The following SORCS2 variants were observed in gnomAD, a reference collection of about 807,000 sequenced individuals.
The protein encoded by SORCS2 is sortilin related VPS10 domain containing receptor 2.
In SORCS2, 100 loss-of-function variants were observed where a neutral mutation model predicts 141.6. That is an observed-to-expected ratio of 0.71 (90% confidence interval 0.60 to 0.83). SORCS2 has a LOEUF of 0.83. Among genes scored for constraint, SORCS2 ranks in the 40% least tolerant of loss-of-function variants. The probability of loss-of-function intolerance (pLI) is 0.00; values close to 1 mark genes in which losing one functional copy is unlikely to be tolerated. For missense variants in SORCS2, 1,646 were observed against 1,560.2 expected (o/e 1.05, Z -0.93); for synonymous variants, 789 against 676.9 (o/e 1.17, Z -2.57).
intron 2 of SORCS2, among the ~76,000 whole-genome samples, chr4:7,456,822 G>T (rs1728943284): frequency 6.6e-6 from 1 of 152,060 alleles, no homozygotes; most frequent in Admixed American, 6.5e-5. Context: ...TGGAGGGAAG[G>T]ATCACAGGCT....
At chr4:7,461,548 C>A (rs1209763577) in intron 2 of SORCS2, among the ~76,000 whole-genome samples, 2 of 152,228 alleles carry the variant, frequency 1.3e-5, no homozygotes, top group East Asian at 3.9e-4. Context: ...GACAAAATCA[C>A]ATCCCACACA....
chr4:7,616,326 C>G (rs1339726171), intron 3 of SORCS2, among the ~76,000 whole-genome samples: 1 of 152,138 alleles, frequency 6.6e-6, no homozygotes, highest in Non-Finnish European at 1.5e-5. Context: ...CATCTGTCAT[C>G]TGTCCATTCA....
chr4:7,451,433 G>A (rs1432847263), intron 2 of SORCS2, among the ~76,000 whole-genome samples: 1 of 152,236 alleles, frequency 6.6e-6, no homozygotes, highest in Non-Finnish European at 1.5e-5. Context: ...TTAGCAGCTG[G>A]CAGATATCCA....
At chr4:7,259,769 C>T (rs1466379941) in intron 1 of SORCS2, among the ~76,000 whole-genome samples, 1 of 152,254 alleles carries the variant, frequency 6.6e-6, no homozygotes, top group Non-Finnish European at 1.5e-5. Context: ...TTGGGGTTCA[C>T]AGCATCTCCC....
At chr4:7,378,802 T>G (rs1219032346) in intron 1 of SORCS2, among the ~76,000 whole-genome samples, 1 of 152,170 alleles carries the variant, frequency 6.6e-6, no homozygotes, top group African/African-American at 2.4e-5. Flanking sequence ...CGTGGGCAGC[T>G]GAGAGTTATC....
chr4:7,454,602 G>T (rs1728741757), intron 2 of SORCS2, among the ~76,000 whole-genome samples: 1 of 138,144 alleles, frequency 7.2e-6, no homozygotes, highest in African/African-American at 2.8e-5. Context: ...CTGTGTTGGG[G>T]TCAGGCACTG....
chr4:7,247,331 G>A (rs1713166486), intron 1 of SORCS2, among the ~76,000 whole-genome samples: 1 of 151,882 alleles, frequency 6.6e-6, no homozygotes, highest in Non-Finnish European at 1.5e-5. Flanking sequence ...TTTATTGGAG[G>A]CTTTACTGTT....
chr4:7,271,479 C>G (rs1384036290), intron 1 of SORCS2, among the ~76,000 whole-genome samples: 1 of 152,208 alleles, frequency 6.6e-6, no homozygotes, highest in Admixed American at 6.5e-5. Context: ...TTCCTTCAGG[C>G]CTATATTTTA....
chr4:7,326,653 T>A (rs576931024), intron 1 of SORCS2, among the ~76,000 whole-genome samples: 2 of 152,356 alleles, frequency 1.3e-5, no homozygotes, highest in African/African-American at 4.8e-5. Context: ...TGGTGCTGGG[T>A]ACACACCACA....
Position 7,193,288 on chromosome 4 carries a change from C to T in SORCS2, c.480+162C>T, listed in dbSNP as rs1215011652. ...TCACCTCGGCCGCGCCCCTACTGGC[C>T]TCTGGTCACTGGTTACTTGGGGAGA... On this transcript the variant is annotated intron_variant, in intron 1 of 26. Coordinates refer to ENST00000507866, the MANE Select transcript of SORCS2 (RefSeq NM_020777.3). This position sits in a 1 kb window ranked among gnomAD's most constrained non-coding sequence, Gnocchi z 4.8. Among the ~76,000 whole-genome samples, 2 of 152,236 alleles carry T rather than the reference C, an allele frequency of 1.3e-5. No homozygotes were observed. The highest frequency in any genetic ancestry group is 2.9e-5 in the Non-Finnish European group (2 of 68,040).
At chr4:7,260,520 T>C (rs1380634560) in intron 1 of SORCS2, among the ~76,000 whole-genome samples, 1 of 152,048 alleles carries the variant, frequency 6.6e-6, no homozygotes, top group Non-Finnish European at 1.5e-5. Flanking sequence ...CTTTTAACAG[T>C]TGTTTGTGGA....
intron 2 of SORCS2, among the ~76,000 whole-genome samples, chr4:7,529,688 C>G (rs1387093119): frequency 6.6e-6 from 1 of 152,210 alleles, no homozygotes; most frequent in South Asian, 2.1e-4. Flanking sequence ...CTCGTAAACA[C>G]AACCATTTGT....
Position 7,664,331 on chromosome 4 carries a change from G to A in SORCS2, c.953-22G>A. 2 of 1,602,482 alleles carry A rather than the reference G, an allele frequency of 1.2e-6. No individual in the cohort carries two copies. Among genetic ancestry groups the A allele is most frequent in the Non-Finnish European group, 1.7e-6 (2 of 1,171,772 alleles). ...GCTCCGGCTGGAGTCTGACCGCCTG[G>A]GTCGGCGCCTCTCTCCTGTAGATTT... On this transcript the variant is annotated intron_variant, in intron 6 of 26. Coordinates refer to ENST00000507866, the MANE Select transcript of SORCS2 (RefSeq NM_020777.3). The surrounding 1 kb of genome is among the most constrained non-coding windows in gnomAD (Gnocchi z 4.7).
chr4:7,684,085 G>A (rs565791848), intron 10 of SORCS2, among the ~76,000 whole-genome samples: 34 of 152,226 alleles, frequency 2.2e-4, no homozygotes, highest in African/African-American at 5.5e-4. Flanking sequence ...GGCCTCTCCC[G>A]GGGCTTCTCT....
At chr4:7,304,740 C>T (rs1432282184) in intron 1 of SORCS2, among the ~76,000 whole-genome samples, 4 of 152,234 alleles carry the variant, frequency 2.6e-5, no homozygotes, top group Non-Finnish European at 5.9e-5. Flanking sequence ...CTGGCAGAGA[C>T]CTGGTCTGTG....
At chr4:7,243,151 T>G (rs1244076734) in intron 1 of SORCS2, among the ~76,000 whole-genome samples, 1 of 152,098 alleles carries the variant, frequency 6.6e-6, no homozygotes, top group Admixed American at 6.5e-5. Flanking sequence ...ACGCACAAGC[T>G]CTGGGGGATT....
chr4:7,452,992 G>A (rs1358749185), intron 2 of SORCS2, among the ~76,000 whole-genome samples: 37 of 113,364 alleles, frequency 3.3e-4, no homozygotes, highest in East Asian at 1.3e-3. Context: ...GTCAGGCTCC[G>A]TGTTGGGGTC....
chr4:7,360,310 C>A (rs890233782), intron 1 of SORCS2, among the ~76,000 whole-genome samples: 1 of 152,256 alleles, frequency 6.6e-6, no homozygotes. Context: ...TGACATGCCC[C>A]AAATTTCACA....
chr4:7,712,891 AC>A (rs760611087), intron 15 of SORCS2, 38 bp downstream of exon 15: 3 of 1,609,264 alleles, frequency 1.9e-6, no homozygotes, highest in Non-Finnish European at 2.5e-6. Context: ...CAGGTGGGGT[AC>A]AGACTGCAAA....
Sources: gnomAD v4.1 joint callset for allele counts (sites outside exome capture counted in the v4.1 genomes callset) on GRCh38, gnomAD v4.1.1 for gene constraint, Gnocchi (gnomAD v3.1) non-coding constraint, MANE v1.5 for transcripts, NCBI Gene and HGNC (gene_info 2026-07-23, HGNC 2026-07-21) for gene names.